The following ATM variants were observed in gnomAD, a reference collection of about 807,000 sequenced individuals.
ATM encodes the protein serine-protein kinase ATM.
A neutral mutation model predicts 387.0 loss-of-function variants in ATM; 308 were observed. That is an observed-to-expected ratio of 0.80 (90% CI 0.73 to 0.87). The LOEUF is 0.87. ATM is among the 40% of genes least tolerant of loss of function. The pLI is 0.00. For synonymous variants in ATM, 1,156 were observed against 1,187.3 expected, an observed-to-expected ratio of 0.97 and a Z score of 0.54; for missense variants, 3,312 against 3,560.9, an observed-to-expected ratio of 0.93 and a Z score of 1.78.
intron 16 of ATM, among the ~76,000 whole-genome samples, chr11:108,263,721 G>C (rs962744424): frequency 6.8e-6 from 1 of 147,226 alleles, no homozygotes; most frequent in African/African-American, 2.5e-5. Context: ...CAACAAAATT[G>C]ATAGACCGCT....
chr11:108,245,122 C>T (rs2079780936), intron 7 of ATM, 96 bp downstream of exon 7: 1 of 992,608 alleles, frequency 1.0e-6, no homozygotes, highest in African/African-American at 1.6e-5. Context: ...ATATGACTTT[C>T]CTCTGGATTT....
intron 37 of ATM, among the ~76,000 whole-genome samples, 166 bp downstream of exon 37, chr11:108,305,018 G>A (rs920376473): frequency 2.6e-5 from 4 of 152,178 alleles, no homozygotes; most frequent in African/African-American, 9.7e-5. Context: ...GTTGCAACAA[G>A]TTTTCAATGA....
intron 20 of ATM, among the ~76,000 whole-genome samples, chr11:108,271,780 T>C (rs2081597052): frequency 6.6e-6 from 1 of 152,242 alleles, no homozygotes. Flanking sequence ...GATAACACCC[T>C]GATACTTACA....
At position 108,244,837 on chromosome 11, in the gene ATM, A is replaced by G. The variant is rs754275014; in HGVS notation, c.712A>G (p.Ile238Val). 27 of 1,613,786 alleles carry G rather than the reference A, an allele frequency of 1.7e-5. No homozygotes were observed. Among genetic ancestry groups the G allele is most frequent in the Non-Finnish European group, 2.2e-5 (26 of 1,179,944 alleles). ...GLNHILAALT[I>V]FLKTLAVNFR... ...AAATCATATCTTAGCAGCTCTTACT[A>G]TCTTCCTCAAGACTTTGGCTGTCAA... Residue 238 changes from isoleucine to valine, a missense_variant, in exon 7 of 63, where the codon ATC becomes GTC. Ile to Val is a conservative substitution (Grantham distance 29, BLOSUM62 3). Coordinates refer to ENST00000675843, the MANE Select transcript of ATM (RefSeq NM_000051.4).
At chr11:108,295,810 T>G (rs1358199144) in intron 32 of ATM, 1 of 152,154 alleles carries the variant, frequency 6.6e-6, no homozygotes, top group Admixed American at 6.6e-5. Flanking sequence ...CCTGCCACCA[T>G]GCCTGGCTAA....
intron 56 of ATM, chr11:108,340,430 A>G (rs1465648704): frequency 6.6e-6 from 1 of 152,168 alleles, no homozygotes; most frequent in Middle Eastern, 3.2e-3. Flanking sequence ...AAAACAATTC[A>G]CAAAAATTCC....
intron 22 of ATM, among the ~76,000 whole-genome samples, chr11:108,273,400 G>A (rs1591612492): frequency 1.5e-5 from 2 of 130,156 alleles, no homozygotes; most frequent in South Asian, 4.9e-4. Context: ...GGAGTGCAAT[G>A]GTGTGATCTC....
chr11:108,233,273 GTC>G (rs1473992633), intron 4 of ATM, among the ~76,000 whole-genome samples: 1 of 152,172 alleles, frequency 6.6e-6, no homozygotes, highest in Admixed American at 6.5e-5. Context: ...ATTCCTGAAA[GTC>G]TCTGTAAGTA....
chr11:108,290,998 G>A (rs1386307995), intron 29 of ATM, among the ~76,000 whole-genome samples: 2 of 151,966 alleles, frequency 1.3e-5, no homozygotes, highest in Non-Finnish European at 2.9e-5. Context: ...CACTTTGGGA[G>A]GCTGAGGCGG....
chr11:108,250,618 AAGAGTACC>A (rs1235942837), intron 9 of ATM, 75 bp from the exon 10 acceptor site: 2 of 1,386,250 alleles, frequency 1.4e-6, no homozygotes, highest in African/African-American at 2.9e-5. Flanking sequence ...AGGATATTGT[AAGAGTACC>A]ATGTCTATAT....
Position 108,327,778 on chromosome 11 carries a change from C to T in ATM, c.7089+20C>T, listed in dbSNP as rs730881275. ...GAAAAGGTAAGATTTTTGGAGCAAC[C>T]CTTAAGATAGTTACTTAGCATGAAT... On this transcript the variant is annotated intron_variant, in intron 48 of 62. Coordinates refer to ENST00000675843, the MANE Select transcript of ATM (RefSeq NM_000051.4). The T allele has an allele frequency of 2.0e-5, 31 of 1,551,640 alleles. No homozygotes were observed. Among genetic ancestry groups the T allele is most frequent in the Non-Finnish European group, 2.7e-5 (30 of 1,124,692 alleles).
At chr11:108,265,325 G>A (rs1264896707) in intron 16 of ATM, among the ~76,000 whole-genome samples, 3 of 151,976 alleles carry the variant, frequency 2.0e-5, no homozygotes, top group Admixed American at 6.6e-5. Context: ...CAGAAATAAC[G>A]CTGCATATCT....
chr11:108,335,362 A>ATGTTTCTTATAAAACAT (rs2136676338), intron 55 of ATM: 2 of 1,202,846 alleles, frequency 1.7e-6, no homozygotes, highest in East Asian at 6.2e-5. Flanking sequence ...AGACATGTAC[A>ATGTTTCTTATAAAACAT]GTGAGGTTGC....
chr11:108,325,917 G>T, intron 46 of ATM, 141 bp from the exon 47 acceptor site: 1 of 1,023,626 alleles, frequency 9.8e-7, no homozygotes, highest in South Asian at 1.4e-5. Context: ...ATGTCATGCA[G>T]ACAGAGAGGT....
chr11:108,240,658 G>C (rs1169917056), intron 5 of ATM, among the ~76,000 whole-genome samples: 1 of 151,252 alleles, frequency 6.6e-6, no homozygotes, highest in Non-Finnish European at 1.5e-5. Flanking sequence ...TACAGTAAAA[G>C]TATAGTATAA....
chr11:108,289,561 T>C (rs1416001566), intron 28 of ATM, 41 bp from the exon 29 acceptor site: 1 of 1,462,950 alleles, frequency 6.8e-7, no homozygotes, highest in South Asian at 1.2e-5. Context: ...TAGCCGAGTA[T>C]CTAATTAAAC....
At chr11:108,331,241 A>C (rs1373130194) in intron 50 of ATM, 6 of 1,279,004 alleles carry the variant, frequency 4.7e-6, no homozygotes, top group Admixed American at 3.6e-5. Context: ...AAATATTTTG[A>C]TTTACCAATG....
chr11:108,318,239 G>A (rs537816956), intron 43 of ATM, among the ~76,000 whole-genome samples: 16 of 152,170 alleles, frequency 1.1e-4, no homozygotes, highest in Admixed American at 4.6e-4. Flanking sequence ...GCATGCGCCT[G>A]TAGTCCCAGC....
At chr11:108,238,962 C>A (rs996770819) in intron 5 of ATM, among the ~76,000 whole-genome samples, 1 of 152,054 alleles carries the variant, frequency 6.6e-6, no homozygotes. Flanking sequence ...TTACCATTTT[C>A]CCCTCCCCTA....
Sources: gnomAD v4.1 joint callset for allele counts (sites outside exome capture counted in the v4.1 genomes callset) on GRCh38, gnomAD v4.1.1 for gene constraint, MANE v1.5 for transcripts, NCBI Gene and HGNC (gene_info 2026-07-23, HGNC 2026-07-21) for gene names.